Variants in ARHGAP24 observed in about 807,000 individuals in gnomAD.
ARHGAP24 encodes the protein rho GTPase-activating protein 24.
ARHGAP24 carries 50 observed loss-of-function variants against 76.4 expected under a neutral mutation model. The observed-to-expected ratio is 0.65, with a 90% CI of 0.52 to 0.83. The LOEUF (loss-of-function observed/expected upper bound fraction) is 0.83, where lower values mean the gene tolerates loss of function less well. Ranked by LOEUF, ARHGAP24 falls within the 40% of genes least tolerant of loss-of-function variation. The pLI is 0.00. For synonymous variants in ARHGAP24, 345 were observed against 323.3 expected (o/e 1.07, Z -0.72); for missense variants, 930 against 914.2 (o/e 1.02, Z -0.22).
intron 2 of ARHGAP24, among the ~76,000 whole-genome samples, chr4:85,655,550 G>A (rs1722108055): frequency 6.6e-6 from 1 of 151,828 alleles, no homozygotes; most frequent in Non-Finnish European, 1.5e-5. Context: ...GGGAAGCCAA[G>A]GCAGGTGGAT....
chr4:85,547,127 T>C (rs1725950660), intron 1 of ARHGAP24, among the ~76,000 whole-genome samples: 1 of 152,178 alleles, frequency 6.6e-6, no homozygotes, highest in Admixed American at 6.5e-5. Context: ...ATTTGCCCTA[T>C]ATTGTCTCCT....
In ARHGAP24 at chr4:85,743,966, CCCAAGATTTG is replaced by C. The variant is rs574601288; in HGVS notation, c.268+21997_268+22006del. Among the ~76,000 whole-genome samples the C allele has an allele frequency of 5.9e-5, 9 of 152,182 alleles. No individual in the cohort carries two copies. The East Asian group carries it at 1.7e-3, about 29-fold the overall frequency. Reference sequence around the variant, plus strand: ...CTAGCATCTTTTCAAGTTCTCAAATCCCAAGATTTGCCTATGGTTGCCACCAAGAGCTATG... The same window carrying C: ...CTAGCATCTTTTCAAGTTCTCAAATCCCTATGGTTGCCACCAAGAGCTATG... On this transcript the variant is annotated intron_variant, in intron 3 of 9. Transcript: ENST00000395184.
At chr4:85,662,161 C>T (rs1722415412) in intron 2 of ARHGAP24, among the ~76,000 whole-genome samples, 1 of 152,170 alleles carries the variant, frequency 6.6e-6, no homozygotes, top group Non-Finnish European at 1.5e-5. Flanking sequence ...TATTTCTCCA[C>T]ATCCTCTCCA....
chr4:85,547,711 C>T (rs1410027209), intron 1 of ARHGAP24, among the ~76,000 whole-genome samples: 2 of 152,208 alleles, frequency 1.3e-5, no homozygotes, highest in Non-Finnish European at 2.9e-5. Context: ...GCTGGGTTTA[C>T]AGGCTTGAGC....
At chr4:85,620,247 C>T (rs1720672627) in intron 2 of ARHGAP24, among the ~76,000 whole-genome samples, 1 of 151,866 alleles carries the variant, frequency 6.6e-6, no homozygotes, top group Non-Finnish European at 1.5e-5. Context: ...TTTCTTTAAA[C>T]ATTTGGTAGA....
At chr4:85,808,666 A>G (rs1009108338) in intron 3 of ARHGAP24, among the ~76,000 whole-genome samples, 2 of 152,166 alleles carry the variant, frequency 1.3e-5, no homozygotes, top group Non-Finnish European at 2.9e-5. Context: ...AATTATCCAG[A>G]GTCTAGAATT....
At chr4:85,977,758 C>T (rs1739427763) in intron 8 of ARHGAP24, 67 bp downstream of exon 8, 1 of 1,577,102 alleles carries the variant, frequency 6.3e-7, no homozygotes, top group Non-Finnish European at 8.7e-7. Context: ...TGGCCAGAAT[C>T]TACTCATCTC....
intron 5 of ARHGAP24, among the ~76,000 whole-genome samples, chr4:85,960,293 A>G (rs114331082): frequency 2.0e-5 from 3 of 152,266 alleles, no homozygotes; most frequent in Non-Finnish European, 2.9e-5. Context: ...TCTTTTGATA[A>G]TCCGTGTTAA....
chr4:85,703,927 A>C (rs961875606), intron 2 of ARHGAP24, among the ~76,000 whole-genome samples: 2 of 152,138 alleles, frequency 1.3e-5, no homozygotes, highest in African/African-American at 4.8e-5. Flanking sequence ...GCCCCTTTGC[A>C]GTCATCCGCT....
At chr4:85,941,962 G>C (rs1204106193) in intron 4 of ARHGAP24, 104 bp from the exon 5 acceptor site, 1 of 1,141,288 alleles carries the variant, frequency 8.8e-7, no homozygotes, top group Non-Finnish European at 1.3e-6. Flanking sequence ...GTGCTTGCTA[G>C]CATTCCAATC....
chr4:85,995,591 G>A lies in ARHGAP24; in HGVS notation c.1937G>A (p.Ser646Asn). 6.2e-7 allele frequency: 1 copy of A among 1,614,012 alleles called. No individual in the cohort carries two copies. The highest frequency in any genetic ancestry group is 8.5e-7 in the Non-Finnish European group (1 of 1,180,000). Reference protein sequence around the residue: ...NSSSNHSALHSLVSSLKQEMT... With the variant: ...NSSSNHSALHNLVSSLKQEMT... ...AGCAGCAACCACAGTGCACTGCACA[G>A]TTTAGTTTCCAGCCTGAAACAGGAA... is the stretch of plus-strand genomic sequence containing the variant. The change falls in exon 9 of 10, where the codon AGT becomes AAT. Residue 646 changes from serine (S) to asparagine (N), a missense_variant. By Grantham distance (46) the Ser-to-Asn change is conservative. Transcript: ENST00000395184.
intron 3 of ARHGAP24, among the ~76,000 whole-genome samples, chr4:85,914,740 C>T (rs1306662391): frequency 6.6e-6 from 1 of 152,100 alleles, no homozygotes; most frequent in African/African-American, 2.4e-5. Context: ...ATAGAAAATG[C>T]CTTTAGTTTT....
chr4:85,486,579 G>T (rs1219325047), intron 1 of ARHGAP24, among the ~76,000 whole-genome samples: 1 of 152,156 alleles, frequency 6.6e-6, no homozygotes, highest in East Asian at 1.9e-4. Flanking sequence ...GCATGAGAGA[G>T]AACAGCCTCC....
intron 1 of ARHGAP24, among the ~76,000 whole-genome samples, chr4:85,480,988 C>CA (rs1722793604): frequency 6.6e-6 from 1 of 152,052 alleles, no homozygotes; most frequent in South Asian, 2.1e-4. Flanking sequence ...AGTAATTTTT[C>CA]AAATTCTCCA....
At chr4:85,577,549 G>A (rs1727430736) in intron 2 of ARHGAP24, among the ~76,000 whole-genome samples, 1 of 152,160 alleles carries the variant, frequency 6.6e-6, no homozygotes. Context: ...TGGACTTGGA[G>A]CCTAGATTGA....
intron 3 of ARHGAP24, among the ~76,000 whole-genome samples, chr4:85,828,540 A>G (rs1320435683): frequency 1.3e-5 from 2 of 151,974 alleles, no homozygotes; most frequent in African/African-American, 2.4e-5. Flanking sequence ...AAAAAAGCCA[A>G]AAGAAAACCA....
At chr4:85,800,828 AC>A (rs1484972480) in intron 3 of ARHGAP24, among the ~76,000 whole-genome samples, 1 of 152,238 alleles carries the variant, frequency 6.6e-6, no homozygotes, top group African/African-American at 2.4e-5. Context: ...ACATTTTAGC[AC>A]AAGTAGTTTA....
At chr4:85,527,263 A>G (rs1578009295) in intron 1 of ARHGAP24, among the ~76,000 whole-genome samples, 1 of 152,146 alleles carries the variant, frequency 6.6e-6, no homozygotes. Context: ...GTATAACTCT[A>G]GCTTGTTTTC....
chr4:85,487,994 C>G (rs1051923035), intron 1 of ARHGAP24, among the ~76,000 whole-genome samples: 2 of 147,856 alleles, frequency 1.4e-5, no homozygotes, highest in Admixed American at 7.0e-5. Flanking sequence ...CAAGCTCTGC[C>G]CCCTGGGTTC....
Sources: allele counts gnomAD v4.1 joint callset (sites outside exome capture counted in the v4.1 genomes callset), GRCh38; gene constraint gnomAD v4.1.1; transcripts MANE v1.5; gene names NCBI Gene and HGNC (gene_info 2026-07-23, HGNC 2026-07-21).